The following CUL2 variants were observed in gnomAD, a reference collection of about 807,000 sequenced individuals.
The protein encoded by CUL2 is cullin-2.
In CUL2, 22 loss-of-function variants were observed where a neutral mutation model predicts 110.2. The ratio of observed to expected loss-of-function variants is 0.20; its 90% confidence interval spans 0.14 to 0.28. The LOEUF (loss-of-function observed/expected upper bound fraction) is 0.28. CUL2 is among the 10% of genes least tolerant of loss of function. The pLI is 1.00. For missense variants in CUL2, 631 were observed against 905.5 expected (o/e 0.70, Z 3.89); for synonymous variants, 279 against 293.2 (o/e 0.95, Z 0.49).
Position 35,074,858 on chromosome 10 carries a change from A to G in CUL2, c.-22-3519T>C, listed in dbSNP as rs1375696789. ...GGTGTCCTATCATAGGTATTACCTG[A>G]GAACTCCACACTTTCCTCTATTAGA... On this transcript the variant is annotated intron_variant, in intron 1 of 20. Transcript: ENST00000374749. Among the ~76,000 whole-genome samples, 5 of 152,302 alleles carry G rather than the reference A, an allele frequency of 3.3e-5. No individual in the cohort carries two copies. In the East Asian group the frequency reaches 9.6e-4, roughly 29 times the overall value.
intron 16 of CUL2, 42 bp from the exon 17 acceptor site, chr10:35,025,240 A>T (rs1409516197): frequency 6.5e-7 from 1 of 1,539,734 alleles, no homozygotes; most frequent in Non-Finnish European, 8.7e-7. Context: ...TTTAGCTACT[A>T]TAACTTGCCT....
chr10:35,050,846 G>A (rs757245856), intron 5 of CUL2, among the ~76,000 whole-genome samples: 12 of 152,200 alleles, frequency 7.9e-5, no homozygotes, highest in Non-Finnish European at 1.8e-4. Context: ...ACATCTACAA[G>A]TTGAGATCCT....
intron 1 of CUL2, among the ~76,000 whole-genome samples, chr10:35,106,600 G>C (rs2087460416): frequency 6.6e-6 from 1 of 151,786 alleles, no homozygotes; most frequent in Non-Finnish European, 1.5e-5. Context: ...CCAAAGTGCT[G>C]GGATTACAGG....
rs759344285 is a variant in CUL2 at position 35,044,883 on chromosome 10, A to G, written c.507-15T>C. ...CACCACGATCACTAAAACAAGGTAT[A>G]ACACAAAATATTCTTGAGAATACAA... On this transcript the variant is annotated splice_polypyrimidine_tract_variant and intron_variant, in intron 6 of 20. Coordinates refer to ENST00000374749, the MANE Select transcript of CUL2 (RefSeq NM_003591.4). 17 of 1,572,736 alleles carry G rather than the reference A, an allele frequency of 1.1e-5. No homozygotes were observed. Among genetic ancestry groups the G allele is most frequent in the Non-Finnish European group, 1.5e-5 (17 of 1,146,824 alleles).
chr10:35,054,690 A>G, intron 4 of CUL2, 151 bp from the exon 5 acceptor site: 1 of 475,538 alleles, frequency 2.1e-6, no homozygotes, highest in Non-Finnish European at 3.7e-6. Context: ...TGTAGAGATT[A>G]GAAATATAAT....
chr10:35,043,714 G>A (rs1285005068), intron 8 of CUL2, among the ~76,000 whole-genome samples: 2 of 152,062 alleles, frequency 1.3e-5, no homozygotes, highest in African/African-American at 4.8e-5. Context: ...TTCTACTACT[G>A]AGAAAATAAA....
chr10:35,062,822 G>A (rs1242234995), intron 3 of CUL2, 138 bp downstream of exon 3: 8 of 595,004 alleles, frequency 1.3e-5, no homozygotes, highest in Non-Finnish European at 1.5e-5. Flanking sequence ...GGGCAACAGA[G>A]CAAGACCCTG....
chr10:35,073,609 CTTTTT>C (rs1233346098), intron 1 of CUL2, among the ~76,000 whole-genome samples: 29 of 136,212 alleles, frequency 2.1e-4, no homozygotes, highest in African/African-American at 7.1e-4. Context: ...TTTTCTTTTT[CTTTTT>C]TTTTTTGAGA....
At position 35,022,465 on chromosome 10, in the gene CUL2, G is replaced by A. The variant is rs1206504660; in HGVS notation, c.1684+2667C>T. 2.0e-5 allele frequency among the ~76,000 whole-genome samples: 3 copies of A among 152,174 alleles called. No individual in the cohort carries two copies. The East Asian group carries it at 5.8e-4, about 29-fold the overall frequency. On this transcript the variant is annotated intron_variant, in intron 17 of 20. Transcript: ENST00000374749. The stretch of plus-strand genomic sequence containing the variant: ...ATAATTTTCATTCTATGTTTAAGCA[G>A]AAGTAACAGGGGTTCTCAAGAAACA...
chr10:35,018,198 A>T lies in CUL2; in HGVS notation c.1685-1804T>A, dbSNP rs1371373621. Among the ~76,000 whole-genome samples, 3 of 142,154 alleles carry T rather than the reference A, an allele frequency of 2.1e-5. No individual in the cohort carries two copies. In the East Asian group the frequency reaches 6.6e-4, roughly 31 times the overall value. 93.3% of individuals were successfully genotyped at this position (142,154 alleles called of 152,430 possible). ...GCTACTCGGGAGGCTGAGGCAGGAGAATGGCGTGAACCCGGGAGGCGGAGC... is the reference window on the plus strand; with the variant it reads ...GCTACTCGGGAGGCTGAGGCAGGAGTATGGCGTGAACCCGGGAGGCGGAGC... On this transcript the variant is annotated intron_variant, in intron 17 of 20. Transcript: ENST00000374749.
At chr10:35,057,657 AAAAAAAAAAG>A (rs1444991454) in intron 4 of CUL2, among the ~76,000 whole-genome samples, 1 of 151,334 alleles carries the variant, frequency 6.6e-6, no homozygotes, top group East Asian at 1.9e-4. Flanking sequence ...CGTCTGAAAA[AAAAAAAAAAG>A]AAAAAAAGAA....
chr10:35,018,311 A>AG (rs1346675719), intron 17 of CUL2, among the ~76,000 whole-genome samples: 17 of 151,116 alleles, frequency 1.1e-4, no homozygotes, highest in Middle Eastern at 3.4e-3. Flanking sequence ...AAAAAAAAAA[A>AG]AAAGATGAAA....
intron 1 of CUL2, among the ~76,000 whole-genome samples, chr10:35,104,337 T>A (rs2087426550): frequency 6.6e-6 from 1 of 152,142 alleles, no homozygotes; most frequent in South Asian, 2.1e-4. Flanking sequence ...TCTTAGTTAC[T>A]CTGGAGGCTG....
chr10:35,058,541 T>A (rs573839636), intron 4 of CUL2, among the ~76,000 whole-genome samples: 51 of 152,348 alleles, frequency 3.3e-4, no homozygotes, highest in Non-Finnish European at 6.2e-4. Flanking sequence ...AGCATCCACC[T>A]GATAAGTGTC....
chr10:35,067,238 G>A (rs1008443149), intron 2 of CUL2, among the ~76,000 whole-genome samples: 5 of 152,054 alleles, frequency 3.3e-5, no homozygotes, highest in African/African-American at 1.2e-4. Flanking sequence ...ATACGTTGAG[G>A]GAAGGCAATA....
At chr10:35,013,096 T>C (rs905021270) in intron 19 of CUL2, among the ~76,000 whole-genome samples, 1 of 152,116 alleles carries the variant, frequency 6.6e-6, no homozygotes, top group East Asian at 1.9e-4. Context: ...ATCCCAGCAC[T>C]TTGGCAGGCT....
At chr10:35,063,171 A>G in intron 2 of CUL2, 109 bp from the exon 3 acceptor site, 1 of 641,234 alleles carries the variant, frequency 1.6e-6, no homozygotes, top group South Asian at 2.0e-5. Flanking sequence ...TTTGTGGTTT[A>G]GCTTATAATA....
At position 35,030,183 on chromosome 10, in the gene CUL2, A is replaced by C. The variant is rs114116692; in HGVS notation, c.1387-543T>G. ...AGGTTTACAGATAGTATCAAATGAA[A>C]GATTACATAAATGATTACTGGGAAT... On this transcript the variant is annotated intron_variant, in intron 14 of 20. Coordinates refer to ENST00000374749, the MANE Select transcript of CUL2 (RefSeq NM_003591.4). 8.1e-3 allele frequency among the ~76,000 whole-genome samples: 1,227 copies of C among 152,340 alleles called. 21 individuals carry two copies. The highest frequency in any genetic ancestry group is 0.028 in the African/African-American group (1,154 of 41,594).
intron 2 of CUL2, among the ~76,000 whole-genome samples, chr10:35,096,152 G>A (rs2087296019): frequency 6.6e-6 from 1 of 151,676 alleles, no homozygotes. Context: ...GGAGGCTGAG[G>A]CAGGAGAATC....
Sources: gnomAD v4.1 joint callset for allele counts (sites outside exome capture counted in the v4.1 genomes callset) on GRCh38, gnomAD v4.1.1 for gene constraint, MANE v1.5 for transcripts, NCBI Gene and HGNC (gene_info 2026-07-23, HGNC 2026-07-21) for gene names.